The following SLTM variants were observed in gnomAD, a reference collection of about 807,000 sequenced individuals.
SLTM encodes SAFB-like transcription modulator.
SLTM carries 43 observed loss-of-function variants against 134.6 expected under a neutral mutation model. The ratio of observed to expected loss-of-function variants is 0.32; its 90% CI spans 0.25 to 0.41. SLTM has a LOEUF of 0.41. Among genes scored for constraint, SLTM ranks in the 10% least tolerant of loss-of-function variants. SLTM has a pLI of 1.00. For synonymous variants in SLTM, 424 were observed against 432.3 expected (o/e 0.98, Z 0.24); for missense variants, 1,055 against 1,288.8 (o/e 0.82, Z 2.78).
intron 5 of SLTM, among the ~76,000 whole-genome samples, chr15:58,903,745 AG>A (rs1434810048): frequency 6.6e-6 from 1 of 152,180 alleles, no homozygotes; most frequent in African/African-American, 2.4e-5. Flanking sequence ...ATCTCTAACA[AG>A]GTTCCAGGTG....
At chr15:58,898,069 TCA>T (rs1287486442) in intron 8 of SLTM, 1 of 152,140 alleles carries the variant, frequency 6.6e-6, no homozygotes, top group Admixed American at 6.5e-5. Flanking sequence ...TTTCTATATT[TCA>T]CATTCTTTTA....
chr15:58,929,854 T>C (rs1380485563), intron 2 of SLTM, among the ~76,000 whole-genome samples: 1 of 152,182 alleles, frequency 6.6e-6, no homozygotes. Context: ...TCAGTAGCGC[T>C]TGGAATTTGA....
chr15:58,894,628 T>C, intron 9 of SLTM, 46 bp from the exon 10 acceptor site: 1 of 1,569,564 alleles, frequency 6.4e-7, no homozygotes, highest in East Asian at 2.2e-5. Flanking sequence ...ACGTTCCAAG[T>C]ACACAGACTT....
intron 5 of SLTM, among the ~76,000 whole-genome samples, chr15:58,904,417 G>A (rs1833708371): frequency 6.6e-6 from 1 of 151,958 alleles, no homozygotes; most frequent in African/African-American, 2.4e-5. Context: ...GTAACATGAA[G>A]GAAACTAAAA....
chr15:58,932,567 A>C, intron 1 of SLTM, 124 bp from the exon 2 acceptor site: 1 of 622,968 alleles, frequency 1.6e-6, no homozygotes, highest in Non-Finnish European at 2.8e-6. Flanking sequence ...TCATTTCATC[A>C]ACCGACTTCA....
At chr15:58,923,317 C>T (rs1278851554) in intron 2 of SLTM, among the ~76,000 whole-genome samples, 1 of 152,110 alleles carries the variant, frequency 6.6e-6, no homozygotes, top group Non-Finnish European at 1.5e-5. Context: ...AAGATTGTGC[C>T]ACTCAATTTC....
At chr15:58,894,697 T>A in intron 9 of SLTM, 115 bp from the exon 10 acceptor site, 1 of 906,866 alleles carries the variant, frequency 1.1e-6, no homozygotes, top group Non-Finnish European at 1.6e-6. Flanking sequence ...TATCTTATTC[T>A]GTCTCATGTT....
rs778055292 is a variant in SLTM at position 58,899,640 on chromosome 15, T to G, written c.887A>C (p.Asp296Ala). 1.9e-6 allele frequency: 3 copies of G among 1,614,230 alleles called. No individual in the cohort carries two copies. Among genetic ancestry groups the G allele is most frequent in the Non-Finnish European group, 2.5e-6 (3 of 1,180,030 alleles). ...IAQSPEKESK[D>A]YEMNANHKDG... ...TTTATGGTTCGCATTCATCTCATAA[T>G]CCTTGCTTTCCTTCTCCGGGCTCTG... Residue 296 changes from aspartate to alanine, a missense_variant, in exon 7 of 21, where the codon GAT (aspartate) becomes GCT (alanine). Transcript: ENST00000380516. The surrounding 1 kb of genome is among the most constrained non-coding windows in gnomAD (Gnocchi z 5.0).
chr15:58,913,498 C>A lies in SLTM; in HGVS notation c.513+1G>T. 6.2e-7 allele frequency: 1 copy of A among 1,602,246 alleles called. No homozygotes were observed. Among genetic ancestry groups the A allele is most frequent in the Non-Finnish European group, 8.5e-7 (1 of 1,176,304 alleles). On this transcript the variant is annotated splice_donor_variant, in intron 4 of 20. Transcript: ENST00000380516. LOFTEE classifies it high-confidence loss of function. ...TGTTTTAAAAAAAACTGGCTAAAGA[C>A]CTGACTTTCGATGTCCTCTTTTTCT...
At chr15:58,894,920 GT>G in intron 9 of SLTM, among the ~76,000 whole-genome samples, 1 of 152,038 alleles carries the variant, frequency 6.6e-6, no homozygotes, top group Non-Finnish European at 1.5e-5. Flanking sequence ...GGCCAGGCTG[GT>G]CTCAAAGGCC....
intron 3 of SLTM, chr15:58,916,714 T>G (rs1490269443): frequency 2.5e-6 from 1 of 396,890 alleles, no homozygotes; most frequent in African/African-American, 2.1e-5. Context: ...TTATTAATTT[T>G]AGCTTTTGTA....
At chr15:58,896,376 T>C (rs1212743100) in intron 9 of SLTM, among the ~76,000 whole-genome samples, 1 of 152,002 alleles carries the variant, frequency 6.6e-6, no homozygotes, top group Non-Finnish European at 1.5e-5. Flanking sequence ...CTGGCCAACA[T>C]AGTGAAAAAC....
At chr15:58,903,663 T>C (rs906309176) in intron 5 of SLTM, among the ~76,000 whole-genome samples, 5 of 151,352 alleles carry the variant, frequency 3.3e-5, no homozygotes, top group Non-Finnish European at 7.4e-5. Context: ...GTTGTGCACA[T>C]GTACCCTAAA....
rs548718587 is a variant in SLTM, at chr15:58,879,764, A to G, written c.*235T>C. On this transcript the variant is annotated 3_prime_UTR_variant, in exon 21 of 21. Coordinates refer to ENST00000380516, the MANE Select transcript of SLTM (RefSeq NM_024755.4). Reference sequence around the variant, plus strand: ...AACGACTTCAATTCCATCTTTTCAAATGTGCCTCGGTGCTGCAAGAAAAAA... The same window carrying G: ...AACGACTTCAATTCCATCTTTTCAAGTGTGCCTCGGTGCTGCAAGAAAAAA... 1.2e-5 allele frequency: 5 copies of G among 416,646 alleles called. No individual in the cohort carries two copies. The highest frequency in any genetic ancestry group is 4.1e-5 in the Admixed American group (1 of 24,342). 25.8% of individuals were successfully genotyped at this position (416,646 alleles called of 1,614,324 possible). A position where few individuals can be genotyped will look rare whatever the true frequency, so the allele number is the denominator to read the frequency against.
chr15:58,890,527 G>C, intron 14 of SLTM, 66 bp from the exon 15 acceptor site: 1 of 1,459,192 alleles, frequency 6.9e-7, no homozygotes, highest in Non-Finnish European at 9.1e-7. Flanking sequence ...GAATAGCTTT[G>C]AATTTGAATT....
intron 20 of SLTM, among the ~76,000 whole-genome samples, chr15:58,880,778 C>T (rs1156696148): frequency 6.6e-6 from 1 of 151,902 alleles, no homozygotes; most frequent in African/African-American, 2.4e-5. Flanking sequence ...GTTGGCCAGG[C>T]TGGTCTTGAA....
At position 58,887,403 on chromosome 15, in the gene SLTM, A is replaced by C; in HGVS notation, c.2513T>G (p.Leu838Arg). The C allele has an allele frequency of 6.2e-7, 1 of 1,613,714 alleles. No individual in the cohort carries two copies. Among genetic ancestry groups the C allele is most frequent in the Non-Finnish European group, 8.5e-7 (1 of 1,179,930 alleles). Residue 838 changes from leucine to arginine, a missense_variant, in exon 18 of 21, where the codon CTT becomes CGT. Physicochemically the swap from Leu to Arg is moderately radical, Grantham distance 102. Transcript: ENST00000380516. ...RNEPPPPRNE[L>R]RESDRREVRG... ...TACTTCTCGCCTGTCTGATTCTCTA[A>C]GTTCATTTCTTGGTGGTGGAGGCTC...
chr15:58,923,944 A>G (rs2037284415), intron 2 of SLTM, among the ~76,000 whole-genome samples: 1 of 151,236 alleles, frequency 6.6e-6, no homozygotes, highest in Non-Finnish European at 1.5e-5. Context: ...CCTCCTGAGT[A>G]GCTGGGATTA....
Position 58,912,588 on chromosome 15 carries a change from T to C in SLTM, c.536A>G (p.Glu179Gly). Residue 179 changes from glutamate to glycine, a missense_variant, in exon 5 of 21, where the codon GAA becomes GGA. Physicochemically the swap from Glu to Gly is moderately conservative, Grantham distance 98. Around this residue, in one of 3 missense-constraint regions of SLTM, gnomAD observed 268 missense variants for 284.3 expected, o/e 0.94. Transcript: ENST00000380516. ...ESQEIEAQEGEDDTFLTAQDG... is the reference protein window; with the variant it reads ...ESQEIEAQEGGDDTFLTAQDG... ...TTGGGCTGTTAGAAAGGTATCATCT[T>C]CACCTTCTTGAGCTTCAATTTCCTA... 6.2e-7 allele frequency: 1 copy of C among 1,610,858 alleles called. No individual in the cohort carries two copies.
Sources: allele counts gnomAD v4.1 joint callset (sites outside exome capture counted in the v4.1 genomes callset), GRCh38; gene constraint gnomAD v4.1.1; regional missense constraint gnomAD v4.1.1; non-coding constraint Gnocchi (gnomAD v3.1); transcripts MANE v1.5; gene names NCBI Gene and HGNC (gene_info 2026-07-23, HGNC 2026-07-21).